Variants in KIF1A observed in about 807,000 individuals in gnomAD.
KIF1A encodes the protein kinesin-like protein KIF1A.
In KIF1A, 46 loss-of-function variants were observed where a neutral mutation model predicts 227.3. The ratio of observed to expected loss-of-function variants is 0.20; its 90% CI spans 0.16 to 0.26. The LOEUF is 0.26. Among genes scored for constraint, KIF1A ranks in the 10% least tolerant of loss-of-function variants. The pLI is 1.00. For missense variants in KIF1A, 1,683 were observed against 2,485.9 expected, an observed-to-expected ratio of 0.68 and a Z score of 6.87; for synonymous variants, 1,022 against 1,012.8, an observed-to-expected ratio of 1.01 and a Z score of -0.17.
At chr2:240,764,345 C>A (rs2050884649) in intron 20 of KIF1A, among the ~76,000 whole-genome samples, 1 of 152,132 alleles carries the variant, frequency 6.6e-6, no homozygotes, top group Non-Finnish European at 1.5e-5. Flanking sequence ...AGGGCCAACC[C>A]CAAAACAAGC....
At chr2:240,719,961 C>A in intron 45 of KIF1A, 35 bp from the exon 46 acceptor site, 1 of 1,552,720 alleles carries the variant, frequency 6.4e-7, no homozygotes, top group South Asian at 1.2e-5. Flanking sequence ...CCACTGCAGG[C>A]CTCCCTGGGC....
At position 240,718,134 on chromosome 2, in the gene KIF1A, C is replaced by T. The variant is rs370886411; in HGVS notation, c.5249G>A (p.Arg1750His). 6.8e-6 allele frequency: 11 copies of T among 1,609,726 alleles called. No homozygotes were observed. The highest frequency in any genetic ancestry group is 2.7e-5 in the African/African-American group (2 of 74,994). ...PNTFAVCTEH[R>H]GILLQAASDK... is the part of the protein sequence containing the mutation. ...GCTGGCGGCCTGCAGCAGGATGCCG[C>T]GGTGTTCCGTGCACACCGCGAATGT... Residue 1750 changes from arginine to histidine, a missense_variant, in exon 48 of 49, where the codon CGC (arginine) becomes CAC (histidine). This residue lies in a region of KIF1A where 384 missense variants were observed against 410.1 expected (regional missense o/e 0.94). Coordinates refer to ENST00000498729, the MANE Select transcript of KIF1A (RefSeq NM_001244008.2).
At chr2:240,774,405 C>A in intron 11 of KIF1A, 144 bp from the exon 12 acceptor site, 1 of 435,364 alleles carries the variant, frequency 2.3e-6, no homozygotes, top group Non-Finnish European at 4.1e-6. Context: ...CCCCCCCCAC[C>A]CCCACCCCAT....
At chr2:240,731,130 G>T (rs559047598) in intron 38 of KIF1A, among the ~76,000 whole-genome samples, 1 of 152,354 alleles carries the variant, frequency 6.6e-6, no homozygotes, top group African/African-American at 2.4e-5. Context: ...AGACAGGAGA[G>T]ATTTTACAGC....
chr2:240,724,305 G>A (rs2045737679), intron 40 of KIF1A: 2 of 519,214 alleles, frequency 3.9e-6, no homozygotes, highest in Non-Finnish European at 7.0e-6. Context: ...CCTCCACTTT[G>A]TCCCAGCCCA....
intron 1 of KIF1A, among the ~76,000 whole-genome samples, chr2:240,807,968 C>T (rs2057563207): frequency 6.6e-6 from 1 of 152,152 alleles, no homozygotes; most frequent in Non-Finnish European, 1.5e-5. Flanking sequence ...TGATAAAATT[C>T]TAAGCAATAT....
chr2:240,748,936 C>T lies in KIF1A; in HGVS notation c.2977+1493G>A, dbSNP rs1037646016. 2.4e-4 allele frequency among the ~76,000 whole-genome samples: 37 copies of T among 152,204 alleles called. No homozygotes were observed. The East Asian group carries it at 7.0e-3, about 29-fold the overall frequency. On this transcript the variant is annotated intron_variant, in intron 28 of 48. Transcript: ENST00000498729. ...AGGAGTTCGAGAGCAGCCTGGCCAA[C>T]ATGGTGAAACCCCGTCTCTACTAAA...
chr2:240,719,654 A>AC, intron 46 of KIF1A, 120 bp downstream of exon 46: 1 of 1,197,758 alleles, frequency 8.3e-7, no homozygotes, highest in Non-Finnish European at 1.1e-6. Flanking sequence ...GCATCAGGCA[A>AC]CCTGTCTGTC....
Position 240,792,018 on chromosome 2 carries a change from G to A in KIF1A, c.107-2706C>T, listed in dbSNP as rs114348846. The stretch of plus-strand genomic sequence containing the variant: ...TGTCTGGGAGCCCCACCCCACCCTG[G>A]CCCTGCCACCCCTCCCACACCCTGT... On this transcript the variant is annotated intron_variant, in intron 2 of 48. Coordinates refer to ENST00000498729, the MANE Select transcript of KIF1A (RefSeq NM_001244008.2). This position sits in a 1 kb window ranked among gnomAD's most constrained non-coding sequence, Gnocchi z 4.5. Among the ~76,000 whole-genome samples, 17,347 of 151,084 alleles carry A rather than the reference G, an allele frequency of 0.11. 1,110 individuals are homozygous for A. The highest frequency in any genetic ancestry group is 0.14 in the Non-Finnish European group (9,513 of 67,634).
rs2051217072 is a variant in KIF1A at position 240,766,677 on chromosome 2, A to T, written c.1684+238T>A. Among the ~76,000 whole-genome samples the T allele has an allele frequency of 6.7e-6, 1 of 149,548 alleles. No homozygotes were observed. The highest frequency in any genetic ancestry group is 1.5e-5 in the Non-Finnish European group (1 of 67,536). Reference sequence around the variant, plus strand: ...ATTTTCCCAAGCACCAACCTAATGGAAGTTGTTTTTAAGGCTGGCCCCAAA... The same window carrying T: ...ATTTTCCCAAGCACCAACCTAATGGTAGTTGTTTTTAAGGCTGGCCCCAAA... On this transcript the variant is annotated intron_variant, in intron 19 of 48. Coordinates refer to ENST00000498729, the MANE Select transcript of KIF1A (RefSeq NM_001244008.2). This position sits in a 1 kb window ranked among gnomAD's most constrained non-coding sequence, Gnocchi z 5.0.
At chr2:240,809,886 TAAAA>T (rs11336419) in intron 1 of KIF1A, among the ~76,000 whole-genome samples, 5,304 of 145,764 alleles carry the variant, frequency 0.036, 292 homozygotes, top group African/African-American at 0.12. Context: ...TAAAGTATAA[TAAAA>T]AAAAAAAAAA....
intron 1 of KIF1A, among the ~76,000 whole-genome samples, chr2:240,809,707 C>T (rs549188801): frequency 6.3e-5 from 9 of 143,356 alleles, no homozygotes; most frequent in African/African-American, 2.1e-4. Context: ...CTCACTCTGT[C>T]GCCCAGGCTG....
At chr2:240,751,934 G>C (rs762066354) in intron 27 of KIF1A, among the ~76,000 whole-genome samples, 2 of 152,058 alleles carry the variant, frequency 1.3e-5, no homozygotes, top group Non-Finnish European at 2.9e-5. Flanking sequence ...TGGCCGTCTC[G>C]TTCATTCTGA....
intron 32 of KIF1A, 29 bp downstream of exon 32, chr2:240,745,398 G>A: frequency 6.5e-7 from 1 of 1,542,236 alleles, no homozygotes; most frequent in Non-Finnish European, 9.0e-7. Context: ...GTCAGTGGCA[G>A]GGATGGGGAG....
chr2:240,813,268 T>C (rs4497878), intron 1 of KIF1A, among the ~76,000 whole-genome samples: 110,026 of 152,190 alleles, frequency 0.72, 39,861 homozygotes, highest in Admixed American at 0.79. Context: ...GCACACTGGT[T>C]GCTCTGAGAC....
chr2:240,736,931 G>T lies in KIF1A; in HGVS notation c.4007+132C>A. ...GCCCCTCACCGCACAGCTCCTGCAG[G>T]TGCCAGGAGGGAGGGCCGGGAGAGC... On this transcript the variant is annotated intron_variant, in intron 38 of 48. Coordinates refer to ENST00000498729, the MANE Select transcript of KIF1A (RefSeq NM_001244008.2). The surrounding 1 kb of genome is among the most constrained non-coding windows in gnomAD (Gnocchi z 4.7). 1.4e-6 allele frequency: 1 copy of T among 730,772 alleles called. No homozygotes were observed. The allele number at this position is 730,772 out of a possible 1,614,324, so 45.3% of individuals were successfully genotyped here. A position where few individuals can be genotyped will look rare whatever the true frequency, so the allele number is the denominator to read the frequency against.
Position 240,769,671 on chromosome 2 carries a change from G to A in KIF1A, c.1377C>T (p.Thr459=). The A allele has an allele frequency of 3.1e-6, 5 of 1,613,550 alleles. No homozygotes were observed. In the South Asian group the frequency reaches 4.4e-5, roughly 14 times the overall value. ...TEKIIAELNE[T]WEEKLRRTEA... ...CTGTCCGCCGCAGCTTCTCCTCCCA[G>A]GTCTCATTGAGCTCAGCTATGATCT... Residue 459 remains threonine, a synonymous_variant, in exon 16 of 49, where the codon ACC becomes ACT. Coordinates refer to ENST00000498729, the MANE Select transcript of KIF1A (RefSeq NM_001244008.2).
Position 240,813,424 on chromosome 2 carries a change from T to A in KIF1A, c.-61+6698A>T, listed in dbSNP as rs533246334. On this transcript the variant is annotated intron_variant, in intron 1 of 48. Transcript: ENST00000498729. ...CAGGCATGGGAACTCAGGCACCTGG[T>A]GGAAGGCAGGGGTGAGAAGTGAGGC... is the stretch of plus-strand genomic sequence containing the variant. Among the ~76,000 whole-genome samples, 8 of 152,200 alleles carry A rather than the reference T, an allele frequency of 5.3e-5. No individual in the cohort carries two copies. The South Asian group carries it at 1.7e-3, about 32-fold the overall frequency.
intron 47 of KIF1A, 100 bp downstream of exon 47, chr2:240,718,906 A>T: frequency 2.1e-6 from 2 of 953,048 alleles, no homozygotes; most frequent in Non-Finnish European, 3.2e-6. Flanking sequence ...GGGTGAGCAG[A>T]TGGGCCTCCT....
Sources: gnomAD v4.1 joint callset for allele counts (sites outside exome capture counted in the v4.1 genomes callset) on GRCh38, gnomAD v4.1.1 for gene constraint, gnomAD v4.1.1 regional missense constraint, Gnocchi (gnomAD v3.1) non-coding constraint, MANE v1.5 for transcripts, NCBI Gene and HGNC (gene_info 2026-07-23, HGNC 2026-07-21) for gene names.